NETO2: variants seen among roughly 807,000 people sequenced by gnomAD.
NETO2 encodes neuropilin and tolloid-like protein 2.
NETO2 carries 28 observed loss-of-function variants against 62.5 expected under a neutral mutation model. That is an observed-to-expected ratio of 0.45 (90% CI 0.33 to 0.61). NETO2 has a LOEUF of 0.61. Ranked by LOEUF, NETO2 falls within the 20% of genes least tolerant of loss-of-function variation. NETO2 has a pLI of 0.02. For synonymous variants in NETO2, 214 were observed against 219.1 expected (o/e 0.98, Z 0.21); for missense variants, 548 against 643.2 (o/e 0.85, Z 1.60).
intron 6 of NETO2, among the ~76,000 whole-genome samples, chr16:47,115,734 T>C (rs140202940): frequency 0.025 from 3,509 of 142,492 alleles, 67 homozygotes; most frequent in Non-Finnish European, 0.039. Flanking sequence ...TATATATACA[T>C]GTATATATAT....
At chr16:47,134,354 T>G (rs987666899) in intron 1 of NETO2, among the ~76,000 whole-genome samples, 7 of 152,188 alleles carry the variant, frequency 4.6e-5, no homozygotes. Context: ...TTGATGGTAG[T>G]GTTGAAGATC....
intron 1 of NETO2, among the ~76,000 whole-genome samples, chr16:47,140,194 A>C (rs967161089): frequency 1.3e-5 from 2 of 152,150 alleles, no homozygotes; most frequent in Non-Finnish European, 2.9e-5. Context: ...TTTTTTTTCA[A>C]GTGCTTCCTC....
intron 6 of NETO2, among the ~76,000 whole-genome samples, chr16:47,122,304 T>C (rs2151485977): frequency 6.6e-6 from 1 of 152,310 alleles, no homozygotes; most frequent in African/African-American, 2.4e-5. Flanking sequence ...TCACCTCTTG[T>C]AGCCTATTTT....
In NETO2 at chr16:47,122,641, C is replaced by G. The variant is rs1197933074; in HGVS notation, c.654+16G>C. ...CATGATGTTCTTCTCTGAAGCGACT[C>G]AATACATAATAATACCTTAGCTTTT... On this transcript the variant is annotated intron_variant, in intron 6 of 8. Transcript: ENST00000562435. 6.2e-7 allele frequency: 1 copy of G among 1,609,590 alleles called. No homozygotes were observed. The highest frequency in any genetic ancestry group is 8.5e-7 in the Non-Finnish European group (1 of 1,178,868).
At chr16:47,121,151 C>A (rs756743864) in intron 6 of NETO2, among the ~76,000 whole-genome samples, 2 of 152,046 alleles carry the variant, frequency 1.3e-5, no homozygotes, top group African/African-American at 4.8e-5. Flanking sequence ...TAAAAATGGA[C>A]GTGGTCATTT....
intron 1 of NETO2, among the ~76,000 whole-genome samples, chr16:47,135,503 A>G (rs1964348436): frequency 6.6e-6 from 1 of 152,172 alleles, no homozygotes; most frequent in African/African-American, 2.4e-5. Flanking sequence ...GGTAATGTCC[A>G]CCATTTATGA....
At chr16:47,116,175 T>TC (rs1158317181) in intron 6 of NETO2, among the ~76,000 whole-genome samples, 1 of 150,902 alleles carries the variant, frequency 6.6e-6, no homozygotes, top group African/African-American at 2.4e-5. Flanking sequence ...GACAGGCTCT[T>TC]ACTATGATGT....
At chr16:47,101,470 A>C (rs570888351) in intron 7 of NETO2, among the ~76,000 whole-genome samples, 2 of 152,342 alleles carry the variant, frequency 1.3e-5, no homozygotes, top group African/African-American at 2.4e-5. Context: ...AAGTGTATTC[A>C]AACAGGAAGA....
intron 1 of NETO2, among the ~76,000 whole-genome samples, chr16:47,135,897 T>C (rs1964354168): frequency 6.6e-6 from 1 of 152,154 alleles, no homozygotes; most frequent in African/African-American, 2.4e-5. Context: ...TCAAGAGAAT[T>C]ATTTGAAAAA....
Position 47,117,746 on chromosome 16 carries a change from G to T in NETO2, c.654+4911C>A, listed in dbSNP as rs533643868. 7.9e-5 allele frequency among the ~76,000 whole-genome samples: 12 copies of T among 152,160 alleles called. No homozygotes were observed. The East Asian group carries it at 2.3e-3, about 29-fold the overall frequency. On this transcript the variant is annotated intron_variant, in intron 6 of 8. Coordinates refer to ENST00000562435, the MANE Select transcript of NETO2 (RefSeq NM_018092.5). The stretch of plus-strand genomic sequence containing the variant: ...TCCTATTTTCCTACTCTTTGAGAGT[G>T]TTTACTGCTATCTCATGAAGCATGG...
chr16:47,080,273 G>T lies in NETO2; in HGVS notation c.*2948C>A, dbSNP rs1963041146. On this transcript the variant is annotated 3_prime_UTR_variant, in exon 9 of 9. Coordinates refer to ENST00000562435, the MANE Select transcript of NETO2 (RefSeq NM_018092.5). The stretch of plus-strand genomic sequence containing the variant: ...GGTGAATTGCAGATGGAAGATAATG[G>T]TGACAGTATTATACAGGTATACTTA... 1 of 152,176 alleles carries T rather than the reference G, an allele frequency of 6.6e-6. No homozygotes were observed. The highest frequency in any genetic ancestry group is 1.5e-5 in the Non-Finnish European group (1 of 68,038). 9.4% of individuals were successfully genotyped at this position (152,176 alleles called of 1,614,324 possible).
In NETO2 at chr16:47,109,552, T is replaced by C. The variant is rs1963745642; in HGVS notation, c.814A>G (p.Ile272Val). Reference sequence around the variant, plus strand: ...CTACCTTCATCTGCCCACATTCGAATCACTCCAATTCCTGTTTTAAGCATT... The same window carrying C: ...CTACCTTCATCTGCCCACATTCGAACCACTCCAATTCCTGTTTTAAGCATT... ...DVMLKTGIGV[I>V]RMWADEGSRL... Residue 272 changes from isoleucine (I) to valine (V), a missense_variant, in exon 7 of 9, where the codon ATT becomes GTT. Transcript: ENST00000562435. 1 of 1,613,994 alleles carries C rather than the reference T, an allele frequency of 6.2e-7. No individual in the cohort carries two copies. The highest frequency in any genetic ancestry group is 8.5e-7 in the Non-Finnish European group (1 of 1,180,010).
intron 1 of NETO2, among the ~76,000 whole-genome samples, chr16:47,140,171 T>C (rs564799880): frequency 8.7e-4 from 132 of 152,196 alleles, no homozygotes; most frequent in African/African-American, 3.0e-3. Context: ...TCTGTTCTGT[T>C]GTCCTTTTTC....
intron 2 of NETO2, among the ~76,000 whole-genome samples, chr16:47,129,993 G>A (rs969258869): frequency 6.6e-6 from 1 of 152,198 alleles, no homozygotes; most frequent in Non-Finnish European, 1.5e-5. Flanking sequence ...TTTAGAATGA[G>A]TTGGATTTTC....
chr16:47,142,154 A>G (rs930626626), intron 1 of NETO2, among the ~76,000 whole-genome samples: 2 of 152,232 alleles, frequency 1.3e-5, no homozygotes, highest in Non-Finnish European at 2.9e-5. Flanking sequence ...GAAAGAGTAA[A>G]AACATTCCTT....
At chr16:47,085,464 C>T (rs371298914) in intron 8 of NETO2, among the ~76,000 whole-genome samples, 1 of 152,050 alleles carries the variant, frequency 6.6e-6, no homozygotes. Flanking sequence ...TCACTGCAAC[C>T]TCTGCCTGCC....
At position 47,131,958 on chromosome 16, in the gene NETO2, A is replaced by C. The variant is rs1358209347; in HGVS notation, c.91+11T>G. The C allele has an allele frequency of 6.2e-7, 1 of 1,607,524 alleles. No homozygotes were observed. Among genetic ancestry groups the C allele is most frequent in the Admixed American group, 1.7e-5 (1 of 59,972 alleles). On this transcript the variant is annotated intron_variant, in intron 2 of 8. Coordinates refer to ENST00000562435, the MANE Select transcript of NETO2 (RefSeq NM_018092.5). Reference sequence around the variant, plus strand: ...TAAACATGCAGTAAGTCACCAATGTAAGTACTTTACCTTGGGTTTTTTGGG... The same window carrying C: ...TAAACATGCAGTAAGTCACCAATGTCAGTACTTTACCTTGGGTTTTTTGGG...
Position 47,128,277 on chromosome 16 carries a change from GAGTT to G in NETO2, c.481+44_481+47del, listed in dbSNP as rs747624162. The G allele has an allele frequency of 4.2e-5, 66 of 1,570,018 alleles. No individual in the cohort carries two copies. The African/African-American group carries it at 7.1e-4, about 17-fold the overall frequency. On this transcript the variant is annotated intron_variant, in intron 4 of 8. Coordinates refer to ENST00000562435, the MANE Select transcript of NETO2 (RefSeq NM_018092.5). Reference sequence around the variant, plus strand: ...TTCTAACCTTAAGATTCTAAAATCAGAGTTAGAGTGAGATGCCCAACCACTTAAA... The same window carrying G: ...TTCTAACCTTAAGATTCTAAAATCAGAGAGTGAGATGCCCAACCACTTAAA...
intron 7 of NETO2, among the ~76,000 whole-genome samples, chr16:47,097,701 G>A (rs1055127460): frequency 6.6e-6 from 1 of 152,198 alleles, no homozygotes; most frequent in Non-Finnish European, 1.5e-5. Context: ...CCTCAAGTGG[G>A]TCCCTGATCC....
Sources: gnomAD v4.1 joint callset for allele counts (sites outside exome capture counted in the v4.1 genomes callset) on GRCh38, gnomAD v4.1.1 for gene constraint, MANE v1.5 for transcripts, NCBI Gene and HGNC (gene_info 2026-07-23, HGNC 2026-07-21) for gene names.